RNF217: variants seen among roughly 807,000 people sequenced by gnomAD.
RNF217 encodes the protein E3 ubiquitin-protein ligase RNF217.
A neutral mutation model predicts 57.8 loss-of-function variants in RNF217; 31 were observed. That is an observed-to-expected ratio of 0.54 (90% confidence interval 0.40 to 0.72). RNF217 has a LOEUF of 0.72. RNF217 is among the 30% of genes least tolerant of loss of function. The pLI, the probability that RNF217 is intolerant of heterozygous loss-of-function variation, is 0.00. For synonymous variants in RNF217, 313 were observed against 294.0 expected, an observed-to-expected ratio of 1.06 and a Z score of -0.66; for missense variants, 696 against 708.3, an observed-to-expected ratio of 0.98 and a Z score of 0.20.
At chr6:125,061,188 A>G (rs1241718404) in intron 3 of RNF217, among the ~76,000 whole-genome samples, 2 of 152,062 alleles carry the variant, frequency 1.3e-5, no homozygotes, top group African/African-American at 4.8e-5. Flanking sequence ...ATATTTATAA[A>G]GGTAGAATGA....
intron 3 of RNF217, 33 bp from the exon 4 acceptor site, chr6:125,076,624 C>T: frequency 6.6e-7 from 1 of 1,522,114 alleles, no homozygotes; most frequent in Non-Finnish European, 9.1e-7. Context: ...TCAGCTAACT[C>T]TTTCCTTCTC....
At chr6:124,968,389 A>C (rs902461867) in intron 1 of RNF217, among the ~76,000 whole-genome samples, 2 of 151,920 alleles carry the variant, frequency 1.3e-5, no homozygotes, top group Non-Finnish European at 2.9e-5. Flanking sequence ...ATTTGCTTTC[A>C]TGCCTTACTC....
At chr6:124,987,586 G>A (rs760475031) in intron 1 of RNF217, among the ~76,000 whole-genome samples, 1 of 152,138 alleles carries the variant, frequency 6.6e-6, no homozygotes, top group Non-Finnish European at 1.5e-5. Context: ...CTCAGAAAAT[G>A]TGTCTACTGC....
chr6:125,029,536 G>C (rs1181647833), intron 1 of RNF217, among the ~76,000 whole-genome samples: 1 of 152,168 alleles, frequency 6.6e-6, no homozygotes, highest in Non-Finnish European at 1.5e-5. Flanking sequence ...GTTTTGGCAT[G>C]AAAAGGCTCC....
At chr6:125,035,992 G>A (rs1786597224) in intron 1 of RNF217, among the ~76,000 whole-genome samples, 1 of 151,878 alleles carries the variant, frequency 6.6e-6, no homozygotes, top group African/African-American at 2.4e-5. Context: ...ATGTGCCATG[G>A]TGGTTTGCTG....
At chr6:124,985,610 A>G (rs1446673019) in intron 1 of RNF217, among the ~76,000 whole-genome samples, 2 of 152,188 alleles carry the variant, frequency 1.3e-5, no homozygotes, top group Non-Finnish European at 2.9e-5. Flanking sequence ...ATATTAAGGA[A>G]AAGAAGATCA....
chr6:124,974,626 G>A (rs138793773), intron 1 of RNF217, among the ~76,000 whole-genome samples: 154 of 152,256 alleles, frequency 1.0e-3, no homozygotes, highest in African/African-American at 3.6e-3. Context: ...AGCTTCAGCT[G>A]TAGTTAAAAT....
chr6:124,962,569 A>G lies in RNF217; in HGVS notation c.25A>G (p.Ser9Gly). 7.9e-7 allele frequency: 1 copy of G among 1,258,172 alleles called. No homozygotes were observed. The highest frequency in any genetic ancestry group is 9.9e-7 in the Non-Finnish European group (1 of 1,006,020). The allele number at this position is 1,258,172 out of a possible 1,614,324, so 77.9% of individuals were successfully genotyped here. The change falls in exon 1 of 6, where the codon AGC becomes GGC. Residue 9 changes from serine (S) to glycine (G), a missense_variant. Ser to Gly is a moderately conservative substitution (Grantham distance 56, BLOSUM62 0). Around this residue, in one of 2 missense-constraint regions of RNF217, gnomAD observed 465 missense variants for 386.8 expected, o/e 1.20. Coordinates refer to ENST00000521654, the MANE Select transcript of RNF217 (RefSeq NM_001286398.3). This position sits in a 1 kb window ranked among gnomAD's most constrained non-coding sequence, Gnocchi z 4.6. ...GATGGGCGAGGAGCAGAGCACGGTG[A>G]GCGGCGGCGGCGGGCCCCAGGAGTC... MGEEQSTV[S>G]GGGGPQESQT...
rs1457569797 is a variant in RNF217, at chr6:124,962,568, G to A, written c.24G>A (p.Val8=). 1 of 1,259,350 alleles carries A rather than the reference G, an allele frequency of 7.9e-7. No homozygotes were observed. The highest frequency in any genetic ancestry group is 9.9e-7 in the Non-Finnish European group (1 of 1,006,604). The allele number at this position is 1,259,350 out of a possible 1,614,324, so 78.0% of individuals were successfully genotyped here. Residue 8 remains valine, a synonymous_variant, in exon 1 of 6, where the codon GTG becomes GTA. Coordinates refer to ENST00000521654, the MANE Select transcript of RNF217 (RefSeq NM_001286398.3). The surrounding 1 kb of genome is among the most constrained non-coding windows in gnomAD (Gnocchi z 4.6). MGEEQST[V]SGGGGPQESQ... Reference sequence around the variant, plus strand: ...CGATGGGCGAGGAGCAGAGCACGGTGAGCGGCGGCGGCGGGCCCCAGGAGT... The same window carrying A: ...CGATGGGCGAGGAGCAGAGCACGGTAAGCGGCGGCGGCGGGCCCCAGGAGT...
Position 124,982,613 on chromosome 6 carries a change from A to G in RNF217, c.882+19187A>G, listed in dbSNP as rs572026197. Among the ~76,000 whole-genome samples, 24 of 151,872 alleles carry G rather than the reference A, an allele frequency of 1.6e-4. No homozygotes were observed. The East Asian group carries it at 4.7e-3, about 30-fold the overall frequency. On this transcript the variant is annotated intron_variant, in intron 1 of 5. Coordinates refer to ENST00000521654, the MANE Select transcript of RNF217 (RefSeq NM_001286398.3). ...AATAACTTATAATCATTGCCGTTTTATAGATCATTTATTAATAATATATTT... is the reference window on the plus strand; with the variant it reads ...AATAACTTATAATCATTGCCGTTTTGTAGATCATTTATTAATAATATATTT...
intron 1 of RNF217, among the ~76,000 whole-genome samples, chr6:124,965,466 G>T (rs1783502291): frequency 6.6e-6 from 1 of 152,086 alleles, no homozygotes; most frequent in African/African-American, 2.4e-5. Context: ...CCAGCTACTT[G>T]GAAGGCTGAG....
chr6:125,081,728 T>A (rs1262804370), intron 5 of RNF217, among the ~76,000 whole-genome samples: 1 of 152,132 alleles, frequency 6.6e-6, no homozygotes, highest in Non-Finnish European at 1.5e-5. Context: ...CTGTGATTCA[T>A]GTACCTTATA....
intron 1 of RNF217, among the ~76,000 whole-genome samples, chr6:125,000,301 A>G (rs1295381205): frequency 1.3e-5 from 2 of 152,076 alleles, no homozygotes; most frequent in African/African-American, 2.4e-5. Flanking sequence ...TTACTTAAAA[A>G]TTTGTCTTAA....
chr6:125,052,322 TTTTA>T (rs1326688321), intron 2 of RNF217, among the ~76,000 whole-genome samples: 4 of 112,404 alleles, frequency 3.6e-5, no homozygotes, highest in Non-Finnish European at 6.8e-5. Flanking sequence ...GTGTGTGTGG[TTTTA>T]TTTGTTTTGT....
intron 1 of RNF217, among the ~76,000 whole-genome samples, chr6:125,042,653 G>A (rs762713484): frequency 2.0e-5 from 3 of 152,012 alleles, no homozygotes; most frequent in Admixed American, 6.6e-5. Flanking sequence ...ATTGGATGTT[G>A]GATGGTATCC....
At position 125,057,992 on chromosome 6, in the gene RNF217, T is replaced by C. The variant is rs1450070184; in HGVS notation, c.1167T>C (p.Pro389=). 6.2e-7 allele frequency: 1 copy of C among 1,612,654 alleles called. No individual in the cohort carries two copies. Among genetic ancestry groups the C allele is most frequent in the Non-Finnish European group, 8.5e-7 (1 of 1,179,258 alleles). ...QFVWCFKCHS[P]WHEGVNCKEY... ...TCTGGTGTTTTAAGTGCCACTCTCCTTGGCATGAAGGTGTTAACTGCAAGG... is the reference window on the plus strand; with the variant it reads ...TCTGGTGTTTTAAGTGCCACTCTCCCTGGCATGAAGGTGTTAACTGCAAGG... The change falls in exon 3 of 6, where the codon CCT becomes CCC. Residue 389 remains proline (P), a synonymous_variant. Coordinates refer to ENST00000521654, the MANE Select transcript of RNF217 (RefSeq NM_001286398.3).
intron 4 of RNF217, among the ~76,000 whole-genome samples, chr6:125,079,730 G>T (rs1788506060): frequency 6.6e-6 from 1 of 151,862 alleles, no homozygotes; most frequent in Non-Finnish European, 1.5e-5. Context: ...TTTAAAACAT[G>T]ATAAATCTAG....
At chr6:125,073,616 G>T (rs1216678669) in intron 3 of RNF217, among the ~76,000 whole-genome samples, 1 of 152,116 alleles carries the variant, frequency 6.6e-6, no homozygotes, top group Non-Finnish European at 1.5e-5. Context: ...ATCATGATTT[G>T]TTGGTAACTC....
At chr6:124,995,860 T>C (rs896836920) in intron 1 of RNF217, among the ~76,000 whole-genome samples, 1 of 152,082 alleles carries the variant, frequency 6.6e-6, no homozygotes, top group Non-Finnish European at 1.5e-5. Context: ...AGGTGGAGGT[T>C]GCAGTGAGCC....
Sources: gnomAD v4.1 joint callset for allele counts (sites outside exome capture counted in the v4.1 genomes callset) on GRCh38, gnomAD v4.1.1 for gene constraint, gnomAD v4.1.1 regional missense constraint, Gnocchi (gnomAD v3.1) non-coding constraint, MANE v1.5 for transcripts, NCBI Gene and HGNC (gene_info 2026-07-23, HGNC 2026-07-21) for gene names.